Variants in UIMC1 observed in about 807,000 individuals in gnomAD.
UIMC1 encodes the protein ubiquitin interaction motif containing 1, also known as BRCA1-A complex subunit RAP80.
A neutral mutation model predicts 84.9 loss-of-function variants in UIMC1; 42 were observed. The observed-to-expected ratio is 0.49, with a 90% CI of 0.39 to 0.64. The LOEUF is 0.64. UIMC1 is among the 30% of genes least tolerant of loss of function. UIMC1 has a pLI of 0.00. For missense variants in UIMC1, 825 were observed against 847.6 expected (o/e 0.97, Z 0.33); for synonymous variants, 281 against 293.0 (o/e 0.96, Z 0.42).
At chr5:176,927,179 A>G (rs955947988) in intron 10 of UIMC1, among the ~76,000 whole-genome samples, 5 of 150,654 alleles carry the variant, frequency 3.3e-5, no homozygotes, top group Admixed American at 6.6e-5. Flanking sequence ...CCTGGGCAAC[A>G]TAATAAGACA....
At chr5:176,966,131 AATGAAG>A (rs1226846528) in intron 6 of UIMC1, among the ~76,000 whole-genome samples, 1 of 152,266 alleles carries the variant, frequency 6.6e-6, no homozygotes, top group Middle Eastern at 3.2e-3. Flanking sequence ...CCAGAATGTG[AATGAAG>A]ATGGTTACTA....
At chr5:176,981,504 AAT>A (rs1771050032) in intron 2 of UIMC1, among the ~76,000 whole-genome samples, 1 of 152,058 alleles carries the variant, frequency 6.6e-6, no homozygotes, top group African/African-American at 2.4e-5. Flanking sequence ...GCTAACCAAA[AAT>A]ATGTCATTTT....
chr5:176,908,538 C>T lies in UIMC1; in HGVS notation c.1833G>A (p.Arg611=), dbSNP rs772613736. 2 of 1,613,710 alleles carry T rather than the reference C, an allele frequency of 1.2e-6. No individual in the cohort carries two copies. The highest frequency in any genetic ancestry group is 4.5e-5 in the East Asian group (2 of 44,898). ...CTACACATACCTTTGGGTTCTTCAG[C>T]CTCTGCTGCCACTTCCCCTCCACAG... ...CSTVEGKWQQ[R]LKNPKEKGHS... is the part of the protein sequence containing the mutation. The change falls in exon 12 of 15, where the codon AGG becomes AGA. Residue 611 remains arginine, a synonymous_variant. Coordinates refer to ENST00000511320, the MANE Select transcript of UIMC1 (RefSeq NM_001199298.2).
chr5:177,003,849 T>C (rs1041100279), intron 1 of UIMC1, among the ~76,000 whole-genome samples: 3 of 152,164 alleles, frequency 2.0e-5, no homozygotes, highest in African/African-American at 7.2e-5. Flanking sequence ...ACGTGTATTG[T>C]TACTGAGACA....
intron 5 of UIMC1, 124 bp from the exon 6 acceptor site, chr5:176,969,415 A>C: frequency 7.0e-7 from 1 of 1,429,474 alleles, no homozygotes; most frequent in Non-Finnish European, 9.4e-7. Context: ...GGTTTAACCA[A>C]ATGTTGGTTT....
intron 6 of UIMC1, among the ~76,000 whole-genome samples, chr5:176,967,720 A>G (rs1266997797): frequency 6.6e-6 from 1 of 151,762 alleles, no homozygotes; most frequent in Non-Finnish European, 1.5e-5. Flanking sequence ...CTGGGCAACA[A>G]AGTGAAACTC....
chr5:176,915,567 T>G (rs1760864397), intron 10 of UIMC1, among the ~76,000 whole-genome samples: 2 of 151,626 alleles, frequency 1.3e-5, no homozygotes, highest in South Asian at 4.2e-4. Context: ...GCAATTCTCC[T>G]GCCTCAGCCC....
chr5:176,984,159 GA>G (rs1369921734), intron 1 of UIMC1, among the ~76,000 whole-genome samples: 1 of 135,018 alleles, frequency 7.4e-6, no homozygotes, highest in South Asian at 2.5e-4. Flanking sequence ...CCCTGTCTGG[GA>G]AGTGAGGAGC....
chr5:176,936,719 T>C (rs961560103), intron 10 of UIMC1, among the ~76,000 whole-genome samples: 2 of 152,176 alleles, frequency 1.3e-5, no homozygotes, highest in African/African-American at 4.8e-5. Flanking sequence ...CTTCTACCTG[T>C]AGCACTCTCC....
intron 1 of UIMC1, among the ~76,000 whole-genome samples, chr5:177,015,923 A>G (rs1316074373): frequency 6.6e-6 from 1 of 152,072 alleles, no homozygotes; most frequent in East Asian, 1.9e-4. Flanking sequence ...TTAAAAAATT[A>G]GCCAGACGTG....
Position 176,921,528 on chromosome 5 carries a change from T to A in UIMC1, c.1598-10139A>T, listed in dbSNP as rs562345307. 5.9e-5 allele frequency among the ~76,000 whole-genome samples: 9 copies of A among 152,356 alleles called. No individual in the cohort carries two copies. In the East Asian group the frequency reaches 1.7e-3, roughly 29 times the overall value. Reference sequence around the variant, plus strand: ...TCCTCCAAACCTGTTCCTGCCCCAGTGTTCCCGCTCTCAAACAACGAAGTC... The same window carrying A: ...TCCTCCAAACCTGTTCCTGCCCCAGAGTTCCCGCTCTCAAACAACGAAGTC... On this transcript the variant is annotated intron_variant, in intron 10 of 14. Transcript: ENST00000511320.
chr5:176,912,723 T>C (rs1178797194), intron 10 of UIMC1, among the ~76,000 whole-genome samples: 2 of 152,090 alleles, frequency 1.3e-5, no homozygotes, highest in African/African-American at 4.8e-5. Flanking sequence ...TGGAATGCAA[T>C]GGCACAATCT....
intron 1 of UIMC1, among the ~76,000 whole-genome samples, chr5:176,984,294 C>T (rs1257285320): frequency 1.9e-5 from 2 of 107,278 alleles, no homozygotes; most frequent in African/African-American, 3.1e-5. Flanking sequence ...CTCTGCCGGC[C>T]GCCACCCCGT....
At chr5:176,912,278 G>A (rs1171010642) in intron 10 of UIMC1, among the ~76,000 whole-genome samples, 2 of 152,160 alleles carry the variant, frequency 1.3e-5, no homozygotes, top group Non-Finnish European at 2.9e-5. Context: ...ACTGTTAGCA[G>A]GAAAGCAGTC....
At chr5:176,943,781 T>G (rs1439065520) in intron 9 of UIMC1, among the ~76,000 whole-genome samples, 3 of 152,244 alleles carry the variant, frequency 2.0e-5, no homozygotes, top group Non-Finnish European at 4.4e-5. Flanking sequence ...TATTAAACAC[T>G]CTATATGTAT....
chr5:176,911,271 T>G, intron 11 of UIMC1, 40 bp downstream of exon 11: 1 of 1,530,222 alleles, frequency 6.5e-7, no homozygotes, highest in Non-Finnish European at 8.9e-7. Context: ...AACGATGGTA[T>G]GTTATACAAG....
In UIMC1 at chr5:176,943,384, C is replaced by A; in HGVS notation, c.1548G>T (p.Lys516Asn). 1 of 1,614,138 alleles carries A rather than the reference C, an allele frequency of 6.2e-7. No individual in the cohort carries two copies. The highest frequency in any genetic ancestry group is 8.5e-7 in the Non-Finnish European group (1 of 1,180,014). ...TGCAGTACATGGCATGTCGTTCAAT[C>A]TTTGTGGGTGGAAAGCATTGGTCAC... ...PLCDQCFPPT[K>N]IERHAMYCNG... is the part of the protein sequence containing the mutation. The change falls in exon 10 of 15, where the codon AAG becomes AAT. Residue 516 changes from lysine (K) to asparagine (N), a missense_variant. Lys to Asn is a moderately conservative substitution (Grantham distance 94). Transcript: ENST00000511320.
chr5:176,990,259 G>A (rs765751025), intron 1 of UIMC1, among the ~76,000 whole-genome samples: 48 of 151,530 alleles, frequency 3.2e-4, no homozygotes, highest in Non-Finnish European at 5.3e-4. Context: ...AATGGGACTA[G>A]TGCCCTTATA....
chr5:176,923,587 G>C (rs932269382), intron 10 of UIMC1, among the ~76,000 whole-genome samples: 1 of 151,086 alleles, frequency 6.6e-6, no homozygotes, highest in African/African-American at 2.4e-5. Context: ...AATAAGGTCG[G>C]GCACGGTGGC....
Sources: allele counts gnomAD v4.1 joint callset (sites outside exome capture counted in the v4.1 genomes callset), GRCh38; gene constraint gnomAD v4.1.1; transcripts MANE v1.5; gene names NCBI Gene and HGNC (gene_info 2026-07-23, HGNC 2026-07-21).